MPHOSPH10: variants seen among roughly 807,000 people sequenced by gnomAD.
The protein encoded by MPHOSPH10 is U3 small nucleolar ribonucleoprotein MPP10.
MPHOSPH10 carries 33 observed loss-of-function variants against 77.3 expected under a neutral mutation model. The ratio of observed to expected loss-of-function variants is 0.43; its 90% CI spans 0.32 to 0.57. The LOEUF is 0.57. Ranked by LOEUF, MPHOSPH10 falls within the 20% of genes least tolerant of loss-of-function variation. The pLI, the probability that MPHOSPH10 is intolerant of heterozygous loss-of-function variation, is 0.07. For synonymous variants in MPHOSPH10, 245 were observed against 268.0 expected (o/e 0.91, Z 0.84); for missense variants, 708 against 780.1 (o/e 0.91, Z 1.10).
At position 71,133,198 on chromosome 2, in the gene MPHOSPH10, A is replaced by G. The variant is rs1289191896; in HGVS notation, c.390A>G (p.Leu130=). 6.2e-7 allele frequency: 1 copy of G among 1,614,070 alleles called. No individual in the cohort carries two copies. The highest frequency in any genetic ancestry group is 1.1e-5 in the South Asian group (1 of 91,082). The change falls in exon 2 of 11, where the codon CTA becomes CTG. Residue 130 remains leucine, a synonymous_variant. Coordinates refer to ENST00000244230, the MANE Select transcript of MPHOSPH10 (RefSeq NM_005791.3). ...SEIEADDKED[L]EDLEEEEVSD... is the part of the protein sequence containing the mutation. ...TAGAGGCTGATGACAAGGAGGACCT[A>G]GAAGATTTAGAGGAGGAGGAAGTGT...
chr2:71,138,156 G>A lies in MPHOSPH10; in HGVS notation c.1099-334G>A, dbSNP rs140909475. On this transcript the variant is annotated intron_variant, in intron 4 of 10. Coordinates refer to ENST00000244230, the MANE Select transcript of MPHOSPH10 (RefSeq NM_005791.3). ...GAGTCAAAAGGGTCAGACTCCATCA[G>A]ATACTAATATTCTAATCAAAGAATT... Among the ~76,000 whole-genome samples the A allele has an allele frequency of 5.9e-3, 899 of 152,316 alleles. 10 individuals carry two copies. The highest frequency in any genetic ancestry group is 0.02 in the African/African-American group (852 of 41,566).
At chr2:71,138,943 A>G (rs1572898982) in intron 5 of MPHOSPH10, 2 of 570,736 alleles carry the variant, frequency 3.5e-6, no homozygotes, top group Non-Finnish European at 6.2e-6. Flanking sequence ...CTGAGGCAGG[A>G]GAATTGCTTG....
chr2:71,135,552 T>TA (rs1558753320), intron 4 of MPHOSPH10, among the ~76,000 whole-genome samples: 1 of 151,826 alleles, frequency 6.6e-6, no homozygotes, highest in Admixed American at 6.6e-5. Flanking sequence ...GTCTCAAAAA[T>TA]AAAAAAATTT....
At chr2:71,132,538 C>T (rs1158926455) in intron 1 of MPHOSPH10, among the ~76,000 whole-genome samples, 1 of 152,176 alleles carries the variant, frequency 6.6e-6, no homozygotes, top group East Asian at 1.9e-4. Context: ...AGAGGTTTTC[C>T]TTGACCACTG....
At chr2:71,146,001 C>T (rs1241568610) in intron 8 of MPHOSPH10, among the ~76,000 whole-genome samples, 1 of 152,226 alleles carries the variant, frequency 6.6e-6, no homozygotes, top group Non-Finnish European at 1.5e-5. Context: ...CTCATAGCTG[C>T]ATTGCACATT....
In MPHOSPH10 at chr2:71,133,512, A is replaced by G. The variant is rs901548459; in HGVS notation, c.704A>G (p.Asp235Gly). ...AATGATGAGGAGGAGGAAGATATTG[A>G]TTTTTTTGAAGATATTGATTCTGAT... is the stretch of plus-strand genomic sequence containing the variant. The part of the protein sequence containing the change: ...DDNDEEEEDI[D>G]FFEDIDSDED... Residue 235 changes from aspartate (D) to glycine (G), a missense_variant, in exon 2 of 11, where the codon GAT becomes GGT. By Grantham distance (94) the Asp-to-Gly change is moderately conservative. Coordinates refer to ENST00000244230, the MANE Select transcript of MPHOSPH10 (RefSeq NM_005791.3). 3 of 1,611,766 alleles carry G rather than the reference A, an allele frequency of 1.9e-6. No individual in the cohort carries two copies. The highest frequency in any genetic ancestry group is 2.5e-6 in the Non-Finnish European group (3 of 1,179,198).
intron 1 of MPHOSPH10, among the ~76,000 whole-genome samples, chr2:71,131,532 A>G (rs773783174): frequency 9.2e-5 from 14 of 152,194 alleles, no homozygotes; most frequent in Non-Finnish European, 1.9e-4. Flanking sequence ...AGAGACCACT[A>G]AAACAGGCTT....
rs1673543089 is a variant in MPHOSPH10, at chr2:71,138,609, C to T, written c.1218C>T (p.His406=). The part of the protein sequence containing the change: ...PENSLLEETL[H]FDHAVRMAPV... ...ACAGCCTCCTGGAGGAGACCCTACA[C>T]TTTGACCATGCTGTCCGGATGGGTA... The change falls in exon 5 of 11, where the codon CAC becomes CAT. Residue 406 remains histidine (H), a synonymous_variant. Transcript: ENST00000244230. The T allele has an allele frequency of 1.9e-6, 3 of 1,614,082 alleles. No homozygotes were observed. Among genetic ancestry groups the T allele is most frequent in the Non-Finnish European group, 2.5e-6 (3 of 1,180,038 alleles).
chr2:71,147,862 C>CT, intron 8 of MPHOSPH10, 137 bp from the exon 9 acceptor site: 1 of 665,240 alleles, frequency 1.5e-6, no homozygotes, highest in Non-Finnish European at 2.5e-6. Context: ...GGTTTGCTGA[C>CT]TTTCAAGCAA....
At chr2:71,142,875 C>A (rs996740331) in intron 7 of MPHOSPH10, among the ~76,000 whole-genome samples, 2 of 152,062 alleles carry the variant, frequency 1.3e-5, no homozygotes, top group African/African-American at 4.8e-5. Flanking sequence ...TGGTGGGTTT[C>A]TTTTTTTCAT....
At chr2:71,141,534 C>T (rs1673613850) in intron 7 of MPHOSPH10, among the ~76,000 whole-genome samples, 165 bp downstream of exon 7, 2 of 152,088 alleles carry the variant, frequency 1.3e-5, no homozygotes, top group South Asian at 4.1e-4. Flanking sequence ...CTAATATTCC[C>T]GCTGGATGTG....
At chr2:71,135,383 TAAA>T (rs34973076) in intron 4 of MPHOSPH10, among the ~76,000 whole-genome samples, 2 of 137,342 alleles carry the variant, frequency 1.5e-5, no homozygotes, top group Non-Finnish European at 3.2e-5. Flanking sequence ...CCATCTCTAC[TAAA>T]AAAAAAAAAA....
chr2:71,137,093 C>T (rs561318981), intron 4 of MPHOSPH10, among the ~76,000 whole-genome samples: 3 of 151,702 alleles, frequency 2.0e-5, no homozygotes, highest in Admixed American at 2.0e-4. Flanking sequence ...GACTGCAAGA[C>T]ATTAAGGAGA....
intron 7 of MPHOSPH10, among the ~76,000 whole-genome samples, chr2:71,143,295 T>G (rs951046965): frequency 2.6e-5 from 4 of 151,310 alleles, no homozygotes; most frequent in African/African-American, 9.7e-5. Context: ...ACCAAGCCCG[T>G]CTAATTTTTT....
At chr2:71,146,370 G>C (rs111885917) in intron 8 of MPHOSPH10, among the ~76,000 whole-genome samples, 5,404 of 111,422 alleles carry the variant, frequency 0.049, 317 homozygotes, top group African/African-American at 0.16. Flanking sequence ...GAATCTCACT[G>C]TGTTGCCCAG....
At chr2:71,145,529 G>A (rs1673690469) in intron 8 of MPHOSPH10, among the ~76,000 whole-genome samples, 1 of 147,022 alleles carries the variant, frequency 6.8e-6, no homozygotes, top group East Asian at 2.1e-4. Flanking sequence ...TGGTATATAT[G>A]TATGCTTTTA....
At chr2:71,143,116 G>T (rs1673640285) in intron 7 of MPHOSPH10, among the ~76,000 whole-genome samples, 1 of 151,166 alleles carries the variant, frequency 6.6e-6, no homozygotes, top group African/African-American at 2.4e-5. Flanking sequence ...ATTTTATGAA[G>T]TCTATATTAA....
intron 7 of MPHOSPH10, 120 bp downstream of exon 7, chr2:71,141,489 A>G (rs529516440): frequency 6.1e-5 from 46 of 756,554 alleles, no homozygotes; most frequent in Non-Finnish European, 7.6e-5. Flanking sequence ...ACCTCATGTA[A>G]GTATGAGACA....
chr2:71,130,703 G>T lies in MPHOSPH10; in HGVS notation c.38G>T (p.Arg13Leu), dbSNP rs1300702247. Reference sequence around the variant, plus strand: ...GTCTGGCGTCGACGGACCCTGGAGCGGTGTCTGACGGAAGTCGGCAAAGCC... The same window carrying T: ...GTCTGGCGTCGACGGACCCTGGAGCTGTGTCTGACGGAAGTCGGCAAAGCC... Reference protein sequence around the residue: ...PQVWRRRTLERCLTEVGKATG... With the variant: ...PQVWRRRTLELCLTEVGKATG... Residue 13 changes from arginine to leucine, a missense_variant, in exon 1 of 11, where the codon CGG (arginine) becomes CTG (leucine). Physicochemically the swap from Arg to Leu is moderately radical, Grantham distance 102 (BLOSUM62 -2). Around this residue, in one of 3 missense-constraint regions of MPHOSPH10, gnomAD observed 433 missense variants for 432.6 expected, o/e 1.00. Transcript: ENST00000244230. 6.2e-7 allele frequency: 1 copy of T among 1,610,974 alleles called. No individual in the cohort carries two copies.
Sources: gnomAD v4.1 joint callset for allele counts (sites outside exome capture counted in the v4.1 genomes callset) on GRCh38, gnomAD v4.1.1 for gene constraint, gnomAD v4.1.1 regional missense constraint, MANE v1.5 for transcripts, NCBI Gene and HGNC (gene_info 2026-07-23, HGNC 2026-07-21) for gene names.